PALM2AKAP2: variants seen among roughly 807,000 people sequenced by gnomAD.
The protein encoded by PALM2AKAP2 is PALM2-AKAP2 fusion protein.
In PALM2AKAP2, 37 loss-of-function variants were observed where a neutral mutation model predicts 71.5. The observed-to-expected ratio is 0.52, with a 90% CI of 0.40 to 0.68. The LOEUF (loss-of-function observed/expected upper bound fraction) is 0.68. Among genes scored for constraint, PALM2AKAP2 ranks in the 30% least tolerant of loss-of-function variants. The pLI, the probability that PALM2AKAP2 is intolerant of heterozygous loss-of-function variation, is 0.00. For missense variants in PALM2AKAP2, 1,224 were observed against 1,191.8 expected (o/e 1.03, Z -0.40); for synonymous variants, 468 against 478.8 (o/e 0.98, Z 0.29).
chr9:109,885,196 T>TGTTATTTATAACATTTG (rs2131783015), intron 3 of PALM2AKAP2, among the ~76,000 whole-genome samples: 1 of 152,322 alleles, frequency 6.6e-6, no homozygotes, highest in Non-Finnish European at 1.5e-5. Context: ...TTTTCCAAAA[T>TGTTATTTATAACATTTG]GTTATTTATA....
intron 1 of PALM2AKAP2, among the ~76,000 whole-genome samples, chr9:109,833,212 G>A (rs1230728024): frequency 3.3e-5 from 5 of 152,070 alleles, no homozygotes; most frequent in Admixed American, 2.0e-4. Context: ...AAAATTATCT[G>A]GGTGTGGTGG....
At chr9:109,991,243 TC>T (rs1237493678) in intron 6 of PALM2AKAP2, among the ~76,000 whole-genome samples, 1 of 151,970 alleles carries the variant, frequency 6.6e-6, no homozygotes. Context: ...TTTTTTTTTT[TC>T]TTTTTTTTTT....
chr9:110,152,316 G>A (rs1044763463), intron 2 of PALM2AKAP2, among the ~76,000 whole-genome samples: 2 of 152,180 alleles, frequency 1.3e-5, no homozygotes, highest in African/African-American at 2.4e-5. Context: ...ATTGAAAATG[G>A]GGCAGATTTC....
chr9:109,751,450 T>G (rs1564134321), intron 1 of PALM2AKAP2, among the ~76,000 whole-genome samples: 1 of 152,158 alleles, frequency 6.6e-6, no homozygotes, highest in Non-Finnish European at 1.5e-5. Flanking sequence ...TTTGCTTTTC[T>G]TTGCCATCCG....
chr9:110,097,230 G>C (rs1834869191), intron 1 of PALM2AKAP2, among the ~76,000 whole-genome samples: 1 of 150,426 alleles, frequency 6.6e-6, no homozygotes, highest in African/African-American at 2.5e-5. Context: ...TTAACCCTGA[G>C]TGGACACAGC....
At chr9:110,121,293 A>G (rs1835481124) in intron 1 of PALM2AKAP2, among the ~76,000 whole-genome samples, 1 of 152,196 alleles carries the variant, frequency 6.6e-6, no homozygotes, top group African/African-American at 2.4e-5. Context: ...ACCTGGCTCC[A>G]TGCTGAGATG....
intron 1 of PALM2AKAP2, among the ~76,000 whole-genome samples, chr9:110,107,401 AAAG>A (rs1835143771): frequency 1.3e-5 from 2 of 152,362 alleles, no homozygotes; most frequent in South Asian, 4.1e-4. Flanking sequence ...AAATAAGAGA[AAAG>A]AAAAAATGTG....
chr9:110,032,606 G>A (rs1299327057), intron 7 of PALM2AKAP2, among the ~76,000 whole-genome samples: 1 of 151,824 alleles, frequency 6.6e-6, no homozygotes, highest in African/African-American at 2.4e-5. Flanking sequence ...CAGAAGAATC[G>A]CTTGACCCCA....
chr9:109,817,478 A>AT (rs1181263823), intron 1 of PALM2AKAP2, among the ~76,000 whole-genome samples: 1 of 152,172 alleles, frequency 6.6e-6, no homozygotes, highest in Middle Eastern at 3.2e-3. Context: ...TATTCCTCAG[A>AT]TTTTTTTGAT....
intron 1 of PALM2AKAP2, among the ~76,000 whole-genome samples, chr9:109,719,260 C>T (rs1828371442): frequency 6.6e-6 from 1 of 152,176 alleles, no homozygotes; most frequent in Admixed American, 6.6e-5. Context: ...AATAAGAGAT[C>T]AGTTGTGAAA....
chr9:109,691,883 TATATATATATATATATATAC>T (rs1827897438), intron 1 of PALM2AKAP2, among the ~76,000 whole-genome samples: 3 of 46,612 alleles, frequency 6.4e-5, no homozygotes, highest in African/African-American at 2.1e-4. Context: ...CACACACACA[TATATATATATATATATATAC>T]ACACACACAT....
At chr9:109,810,734 G>C (rs1827706107) in intron 1 of PALM2AKAP2, among the ~76,000 whole-genome samples, 1 of 152,180 alleles carries the variant, frequency 6.6e-6, no homozygotes, top group Admixed American at 6.5e-5. Flanking sequence ...GGGCTGCAGA[G>C]AATGATCTAG....
At chr9:109,931,462 T>C (rs1018662218) in intron 5 of PALM2AKAP2, among the ~76,000 whole-genome samples, 1 of 152,238 alleles carries the variant, frequency 6.6e-6, no homozygotes, top group Admixed American at 6.5e-5. Flanking sequence ...TAAAGCTATA[T>C]TGCCAGTTCA....
intron 1 of PALM2AKAP2, among the ~76,000 whole-genome samples, chr9:110,127,434 C>G (rs1375123053): frequency 6.6e-6 from 1 of 152,142 alleles, no homozygotes; most frequent in Non-Finnish European, 1.5e-5. Context: ...CCCAGTTTCC[C>G]ACAATCAACA....
chr9:110,149,120 C>G (rs974303892), intron 2 of PALM2AKAP2, among the ~76,000 whole-genome samples: 2 of 152,238 alleles, frequency 1.3e-5, no homozygotes, highest in African/African-American at 4.8e-5. Flanking sequence ...CTTGCTTTCT[C>G]TGGACCACAG....
chr9:109,790,307 A>G (rs1187931202), intron 1 of PALM2AKAP2, among the ~76,000 whole-genome samples: 1 of 151,890 alleles, frequency 6.6e-6, no homozygotes, highest in Admixed American at 6.6e-5. Flanking sequence ...AAAAAATTAT[A>G]CTGGTTTACT....
At chr9:109,970,151 T>C (rs547463816) in intron 6 of PALM2AKAP2, among the ~76,000 whole-genome samples, 62 of 152,350 alleles carry the variant, frequency 4.1e-4, no homozygotes, top group Non-Finnish European at 7.9e-4. Context: ...GGTTTTGTTT[T>C]TTTTCTTTTA....
intron 1 of PALM2AKAP2, among the ~76,000 whole-genome samples, chr9:110,117,863 A>C (rs1386166110): frequency 1.3e-5 from 1 of 78,484 alleles, no homozygotes; most frequent in East Asian, 3.6e-4. Flanking sequence ...CAGATAAGCT[A>C]TATATATATA....
chr9:110,085,645 A>C (rs1282914950), intron 1 of PALM2AKAP2, among the ~76,000 whole-genome samples: 3 of 152,250 alleles, frequency 2.0e-5, no homozygotes, highest in Admixed American at 6.5e-5. Context: ...CAGTGCACAA[A>C]ATTTATATGA....
Sources: allele counts gnomAD v4.1 joint callset (sites outside exome capture counted in the v4.1 genomes callset), GRCh38; gene constraint gnomAD v4.1.1; transcripts MANE v1.5; gene names NCBI Gene and HGNC (gene_info 2026-07-23, HGNC 2026-07-21).